The following MYO10 variants were observed in gnomAD, a reference collection of about 807,000 sequenced individuals.
MYO10 encodes the protein myosin X, also known as unconventional myosin-X.
MYO10 carries 133 observed loss-of-function variants against 257.3 expected under a neutral mutation model. The observed-to-expected ratio is 0.52, with a 90% CI of 0.45 to 0.60. MYO10 has a LOEUF of 0.60. Among genes scored for constraint, MYO10 ranks in the 20% least tolerant of loss-of-function variants. MYO10 has a pLI of 0.00. For synonymous variants in MYO10, 1,104 were observed against 1,028.6 expected (o/e 1.07, Z -1.40); for missense variants, 2,399 against 2,635.7 (o/e 0.91, Z 1.97).
intron 2 of MYO10, among the ~76,000 whole-genome samples, chr5:16,828,547 G>A (rs1279238212): frequency 6.6e-6 from 1 of 150,904 alleles, no homozygotes; most frequent in Non-Finnish European, 1.5e-5. Flanking sequence ...TTAAACCGAG[G>A]AGGTGCAGGT....
chr5:16,688,750 G>T (rs7443916), intron 28 of MYO10, among the ~76,000 whole-genome samples: 1 of 134,680 alleles, frequency 7.4e-6, no homozygotes. Flanking sequence ...CAAAAAAAAA[G>T]AAAAAAAAAA....
intron 2 of MYO10, among the ~76,000 whole-genome samples, chr5:16,869,679 A>T (rs1424676823): frequency 6.6e-6 from 1 of 151,364 alleles, no homozygotes; most frequent in Admixed American, 6.6e-5. Flanking sequence ...AGCCTAGCCA[A>T]CATGGCAAAA....
rs1741477720 is a variant in MYO10 at position 16,783,317 on chromosome 5, A to C, written c.602+18T>G. On this transcript the variant is annotated intron_variant, in intron 5 of 40. Coordinates refer to ENST00000513610, the MANE Select transcript of MYO10 (RefSeq NM_012334.3). ...AAAGTGAATCCTATTAGTTGGAAAC[A>C]AGAAAATCAATAAATACCTGCTTTC... is the stretch of plus-strand genomic sequence containing the variant. 1 of 1,540,944 alleles carries C rather than the reference A, an allele frequency of 6.5e-7. No homozygotes were observed. The highest frequency in any genetic ancestry group is 2.2e-5 in the Admixed American group (1 of 44,836).
Position 16,877,501 on chromosome 5 carries a change from A to C in MYO10, c.120+108T>G, listed in dbSNP as rs1414382939. On this transcript the variant is annotated intron_variant, in intron 2 of 40. Transcript: ENST00000513610. The stretch of plus-strand genomic sequence containing the variant: ...GATTTTGAATTATCACTTAGGAAAA[A>C]AATGTAAAGCGTGTGTATGTGTAGG... The C allele has an allele frequency of 7.7e-6, 6 of 780,810 alleles. No homozygotes were observed. In the South Asian group the frequency reaches 1.0e-4, roughly 13 times the overall value. The allele number at this position is 780,810 out of a possible 1,614,324, so 48.4% of individuals were successfully genotyped here. A position where few individuals can be genotyped will look rare whatever the true frequency, so the allele number is the denominator to read the frequency against.
chr5:16,807,855 A>AT (rs1400522634), intron 3 of MYO10, among the ~76,000 whole-genome samples: 2 of 151,838 alleles, frequency 1.3e-5, no homozygotes, highest in East Asian at 3.9e-4. Context: ...GTTCCCATGT[A>AT]TTTTTATCAC....
At chr5:16,815,542 T>C in intron 3 of MYO10, 1 of 662,178 alleles carries the variant, frequency 1.5e-6, no homozygotes, top group Admixed American at 2.5e-5. Context: ...GTAATATGAA[T>C]GGCATTTATT....
At chr5:16,743,246 G>A (rs977112685) in intron 19 of MYO10, among the ~76,000 whole-genome samples, 7 of 152,146 alleles carry the variant, frequency 4.6e-5, no homozygotes, top group Non-Finnish European at 1.5e-5. Context: ...TGACAACCTG[G>A]ATAATTCTAA....
chr5:16,921,393 G>A (rs904638370), intron 1 of MYO10, among the ~76,000 whole-genome samples: 2 of 152,096 alleles, frequency 1.3e-5, no homozygotes, highest in African/African-American at 4.8e-5. Context: ...ACCAATGAAA[G>A]CCTTAGCGCA....
chr5:16,796,328 AGGAAAGAAAG>A (rs1341763415), intron 3 of MYO10, among the ~76,000 whole-genome samples: 1 of 142,936 alleles, frequency 7.0e-6, no homozygotes, highest in Non-Finnish European at 1.5e-5. Flanking sequence ...AGAGGAAGAA[AGGAAAGAAAG>A]GGAAAGAGAG....
chr5:16,716,505 A>G, intron 19 of MYO10, among the ~76,000 whole-genome samples: 1 of 151,762 alleles, frequency 6.6e-6, no homozygotes, highest in Non-Finnish European at 1.5e-5. Context: ...GCATGACAAT[A>G]AGAAGTATGA....
At chr5:16,900,332 T>C (rs913179855) in intron 1 of MYO10, among the ~76,000 whole-genome samples, 1 of 152,168 alleles carries the variant, frequency 6.6e-6, no homozygotes, top group African/African-American at 2.4e-5. Flanking sequence ...AACATGATCA[T>C]GGAAAGAGAG....
chr5:16,778,965 T>C (rs931242605), intron 9 of MYO10, among the ~76,000 whole-genome samples: 12 of 152,002 alleles, frequency 7.9e-5, no homozygotes, highest in Middle Eastern at 3.2e-3. Context: ...GCTGGGATTA[T>C]AGGCATGAGC....
chr5:16,877,589 C>T lies in MYO10; in HGVS notation c.120+20G>A. The T allele has an allele frequency of 6.3e-7, 1 of 1,589,856 alleles. No individual in the cohort carries two copies. Among genetic ancestry groups the T allele is most frequent in the Non-Finnish European group, 8.6e-7 (1 of 1,158,842 alleles). On this transcript the variant is annotated intron_variant, in intron 2 of 40. Transcript: ENST00000513610. ...AAAGCAGACCATGGATGTTGGGAAG[C>T]TGCAGGGACTTGTTCTCACCTGACC...
At position 16,699,581 on chromosome 5, in the gene MYO10, G is replaced by T; in HGVS notation, c.3433-8C>A. 3.1e-6 allele frequency: 5 copies of T among 1,612,858 alleles called. No individual in the cohort carries two copies. The highest frequency in any genetic ancestry group is 4.2e-6 in the Non-Finnish European group (5 of 1,179,608). ...CTCTTCACTATCTTCAAACTGGACC[G>T]AGAGAGAGAAGCCAACGGTGAGGGA... On this transcript the variant is annotated splice_polypyrimidine_tract_variant and splice_region_variant and intron_variant, in intron 25 of 40. Transcript: ENST00000513610.
chr5:16,795,847 A>G (rs1438769485), intron 3 of MYO10, among the ~76,000 whole-genome samples: 1 of 152,104 alleles, frequency 6.6e-6, no homozygotes, highest in Non-Finnish European at 1.5e-5. Context: ...ATTTTATGCT[A>G]TGCAGAGTTA....
At chr5:16,772,749 G>A (rs974001808) in intron 9 of MYO10, among the ~76,000 whole-genome samples, 3 of 152,064 alleles carry the variant, frequency 2.0e-5, no homozygotes, top group African/African-American at 7.2e-5. Context: ...TCTATTCAAC[G>A]GAATACCAAA....
rs983369162 is a variant in MYO10 at position 16,904,746 on chromosome 5, G to A, written c.22-27039C>T. On this transcript the variant is annotated intron_variant, in intron 1 of 40. Coordinates refer to ENST00000513610, the MANE Select transcript of MYO10 (RefSeq NM_012334.3). ...AGATCGAGACCATCCTGGCTAACAC[G>A]GTGAAACCCCGTCTCTACTAAAAAT... 2.6e-5 allele frequency among the ~76,000 whole-genome samples: 4 copies of A among 152,180 alleles called. No individual in the cohort carries two copies. In the South Asian group the frequency reaches 6.2e-4, roughly 24 times the overall value.
intron 3 of MYO10, among the ~76,000 whole-genome samples, chr5:16,799,955 C>T (rs776794385): frequency 4.6e-5 from 7 of 152,162 alleles, no homozygotes; most frequent in Non-Finnish European, 5.9e-5. Flanking sequence ...TGCCACCAAT[C>T]AATTCTGAGT....
chr5:16,930,698 C>T (rs531862145), intron 1 of MYO10, among the ~76,000 whole-genome samples: 18 of 152,296 alleles, frequency 1.2e-4, no homozygotes, highest in African/African-American at 3.4e-4. Flanking sequence ...CTCTCAAATT[C>T]GGCTGATAAC....
Sources: gnomAD v4.1 joint callset for allele counts (sites outside exome capture counted in the v4.1 genomes callset) on GRCh38, gnomAD v4.1.1 for gene constraint, MANE v1.5 for transcripts, NCBI Gene and HGNC (gene_info 2026-07-23, HGNC 2026-07-21) for gene names.